The following PROM1 variants were observed in gnomAD, a reference collection of about 807,000 sequenced individuals.
PROM1 encodes prominin-1.
In PROM1, 105 loss-of-function variants were observed where a neutral mutation model predicts 116.9. The ratio of observed to expected loss-of-function variants is 0.90; its 90% CI spans 0.77 to 1.06. The LOEUF is 1.06. Among genes scored for constraint, PROM1 ranks in the 50% least tolerant of loss-of-function variants. PROM1 has a pLI of 0.00. For missense variants in PROM1, 1,122 were observed against 1,045.2 expected, an observed-to-expected ratio of 1.07 and a Z score of -1.01; for synonymous variants, 393 against 387.0, an observed-to-expected ratio of 1.02 and a Z score of -0.18.
chr4:16,055,752 T>C (rs995102501), intron 2 of PROM1, among the ~76,000 whole-genome samples: 7 of 152,224 alleles, frequency 4.6e-5, no homozygotes, highest in African/African-American at 1.7e-4. Flanking sequence ...GCCTTTACAA[T>C]TCCATTTTCT....
chr4:16,035,326 C>T (rs887897227), intron 4 of PROM1, among the ~76,000 whole-genome samples: 4 of 152,148 alleles, frequency 2.6e-5, no homozygotes, highest in African/African-American at 9.7e-5. Flanking sequence ...AGACACTGAA[C>T]CAAAACCCAG....
chr4:16,020,934 C>CT (rs1323682768), intron 8 of PROM1, among the ~76,000 whole-genome samples: 4 of 152,068 alleles, frequency 2.6e-5, no homozygotes, highest in Non-Finnish European at 4.4e-5. Context: ...GAAAAGATAT[C>CT]TAAGGTTCTT....
chr4:16,012,389 C>T (rs1727102081), intron 11 of PROM1, among the ~76,000 whole-genome samples: 1 of 152,188 alleles, frequency 6.6e-6, no homozygotes, highest in Non-Finnish European at 1.5e-5. Context: ...TGTACGTTCA[C>T]CCCAAATCCC....
At chr4:15,973,909 G>A (rs1392007890) in intron 26 of PROM1, among the ~76,000 whole-genome samples, 3 of 152,124 alleles carry the variant, frequency 2.0e-5, no homozygotes, top group African/African-American at 4.8e-5. Flanking sequence ...ATAGAGGGCC[G>A]ATGTGGGGAC....
At chr4:16,041,184 G>C (rs1023622892) in intron 2 of PROM1, among the ~76,000 whole-genome samples, 8 of 152,226 alleles carry the variant, frequency 5.3e-5, no homozygotes, top group African/African-American at 1.9e-4. Context: ...AAGAATGCAA[G>C]TGATTTGGCA....
intron 9 of PROM1, among the ~76,000 whole-genome samples, chr4:16,016,536 G>A (rs1728442218): frequency 6.6e-6 from 1 of 152,072 alleles, no homozygotes; most frequent in Non-Finnish European, 1.5e-5. Flanking sequence ...TACTAAAGAT[G>A]GTCCAATAAA....
intron 23 of PROM1, 29 bp from the exon 24 acceptor site, chr4:15,980,566 T>C: frequency 1.5e-6 from 2 of 1,373,514 alleles, no homozygotes; most frequent in Non-Finnish European, 2.0e-6. Context: ...AAGAATTAAA[T>C]GTTTGAAGAT....
intron 5 of PROM1, among the ~76,000 whole-genome samples, chr4:16,030,972 G>C (rs1464312724): frequency 6.6e-6 from 1 of 152,140 alleles, no homozygotes; most frequent in Non-Finnish European, 1.5e-5. Context: ...CTTGAACCCG[G>C]GAGGCGGAGG....
chr4:16,019,505 AC>A (rs1271467372), intron 8 of PROM1, among the ~76,000 whole-genome samples: 1 of 152,122 alleles, frequency 6.6e-6, no homozygotes, highest in African/African-American at 2.4e-5. Context: ...TTGGGATGTA[AC>A]CCCCATCGTG....
chr4:16,020,531 A>G (rs1037350738), intron 8 of PROM1, among the ~76,000 whole-genome samples: 3 of 152,160 alleles, frequency 2.0e-5, no homozygotes, highest in Non-Finnish European at 4.4e-5. Flanking sequence ...ACACAGAAAT[A>G]CTCAGAAATA....
Position 15,998,492 on chromosome 4 carries a change from G to C in PROM1, c.1579-4C>G. 6.3e-7 allele frequency: 1 copy of C among 1,594,850 alleles called. No individual in the cohort carries two copies. Among genetic ancestry groups the C allele is most frequent in the Non-Finnish European group, 8.5e-7 (1 of 1,173,076 alleles). On this transcript the variant is annotated splice_polypyrimidine_tract_variant and splice_region_variant and intron_variant, in intron 14 of 27. Transcript: ENST00000447510. ...GTAAGTAGGGTGTATCCAAAACCTA[G>C]AACACATTAGGAAGTATTTTCGAAA...
chr4:15,974,120 CT>C, intron 26 of PROM1, among the ~76,000 whole-genome samples: 1 of 84,532 alleles, frequency 1.2e-5, no homozygotes, highest in Non-Finnish European at 3.1e-5. Flanking sequence ...CTCTCTCTTT[CT>C]CTCTCTCTCT....
intron 2 of PROM1, among the ~76,000 whole-genome samples, chr4:16,047,682 C>T (rs549043404): frequency 6.6e-6 from 1 of 152,290 alleles, no homozygotes; most frequent in South Asian, 2.1e-4. Flanking sequence ...TCTACTATAG[C>T]CTGGCCTAAC....
chr4:16,002,775 C>T (rs1724201478), intron 13 of PROM1, among the ~76,000 whole-genome samples: 1 of 152,158 alleles, frequency 6.6e-6, no homozygotes, highest in Non-Finnish European at 1.5e-5. Context: ...GGCACCATGA[C>T]TCTTACTCTA....
Position 15,980,415 on chromosome 4 carries a change from T to C in PROM1, c.2489+7A>G, listed in dbSNP as rs775630400. The C allele has an allele frequency of 6.6e-6, 10 of 1,524,852 alleles. No individual in the cohort carries two copies. Among genetic ancestry groups the C allele is most frequent in the Non-Finnish European group, 8.9e-6 (10 of 1,124,082 alleles). The allele number at this position is 1,524,852 out of a possible 1,614,324, so 94.5% of individuals were successfully genotyped here. A position where few individuals can be genotyped will look rare whatever the true frequency, so the allele number is the denominator to read the frequency against. ...ACCCCCACGTCTGTGGAAGCCCACA[T>C]ACTTACTCATCGTACACGTCCTCCG... is the stretch of plus-strand genomic sequence containing the variant. On this transcript the variant is annotated splice_region_variant and intron_variant, in intron 24 of 27. Coordinates refer to ENST00000447510, the MANE Select transcript of PROM1 (RefSeq NM_006017.3).
intron 2 of PROM1, among the ~76,000 whole-genome samples, chr4:16,052,439 T>C (rs189941615): frequency 1.3e-5 from 2 of 152,178 alleles, no homozygotes; most frequent in Non-Finnish European, 2.9e-5. Flanking sequence ...GGAAAAGAAG[T>C]GACAGAACAC....
intron 2 of PROM1, among the ~76,000 whole-genome samples, chr4:16,062,668 A>G (rs539869160): frequency 7.0e-4 from 106 of 152,356 alleles, no homozygotes; most frequent in African/African-American, 2.5e-3. Context: ...CACAAATTAT[A>G]AAGGATGCAT....
At chr4:16,060,658 A>C (rs1281611168) in intron 2 of PROM1, among the ~76,000 whole-genome samples, 1 of 152,184 alleles carries the variant, frequency 6.6e-6, no homozygotes, top group African/African-American at 2.4e-5. Context: ...ACACTCAATA[A>C]ACATCTACCA....
intron 11 of PROM1, among the ~76,000 whole-genome samples, chr4:16,010,283 T>C (rs1726581279): frequency 6.6e-6 from 1 of 152,212 alleles, no homozygotes; most frequent in Non-Finnish European, 1.5e-5. Context: ...ACATGAGTTC[T>C]GAAGGTGGCT....
Sources: gnomAD v4.1 joint callset for allele counts (sites outside exome capture counted in the v4.1 genomes callset) on GRCh38, gnomAD v4.1.1 for gene constraint, MANE v1.5 for transcripts, NCBI Gene and HGNC (gene_info 2026-07-23, HGNC 2026-07-21) for gene names.